Variants in NIBAN1 observed in about 807,000 individuals in gnomAD.
The protein encoded by NIBAN1 is protein Niban 1.
A neutral mutation model predicts 75.1 loss-of-function variants in NIBAN1; 81 were observed. The ratio of observed to expected loss-of-function variants is 1.08; its 90% confidence interval spans 0.90 to 1.30. NIBAN1 has a LOEUF of 1.30. NIBAN1 is among the 50% of genes most tolerant of loss of function. The probability of loss-of-function intolerance (pLI) is 0.00; values close to 1 mark genes in which losing one functional copy is unlikely to be tolerated. For missense variants in NIBAN1, 1,133 were observed against 1,128.1 expected, an observed-to-expected ratio of 1.00 and a Z score of -0.06; for synonymous variants, 436 against 424.8, an observed-to-expected ratio of 1.03 and a Z score of -0.32.
At chr1:184,851,941 A>G (rs960955414) in intron 5 of NIBAN1, among the ~76,000 whole-genome samples, 2 of 151,556 alleles carry the variant, frequency 1.3e-5, no homozygotes, top group Non-Finnish European at 2.9e-5. Flanking sequence ...AATCTCAGAG[A>G]GCTCCCGTGA....
chr1:184,896,702 C>T (rs1443717537), intron 2 of NIBAN1, among the ~76,000 whole-genome samples: 1 of 152,044 alleles, frequency 6.6e-6, no homozygotes, highest in Admixed American at 6.5e-5. Flanking sequence ...TTTAATCCAT[C>T]TGAAGTTAAT....
chr1:184,950,626 C>G (rs559190401), intron 1 of NIBAN1, among the ~76,000 whole-genome samples: 15 of 152,208 alleles, frequency 9.9e-5, no homozygotes, highest in Non-Finnish European at 1.5e-4. Flanking sequence ...TAAAGGCTAT[C>G]GTGAAATATA....
chr1:184,799,492 A>G (rs1653970653), intron 12 of NIBAN1, among the ~76,000 whole-genome samples: 1 of 149,704 alleles, frequency 6.7e-6, no homozygotes, highest in South Asian at 2.2e-4. Flanking sequence ...GAATAGTGCC[A>G]CAATAAACAT....
chr1:184,920,691 T>C (rs1488662380), intron 1 of NIBAN1, among the ~76,000 whole-genome samples: 4 of 152,210 alleles, frequency 2.6e-5, no homozygotes, highest in Non-Finnish European at 4.4e-5. Flanking sequence ...ATCAACTGCT[T>C]TAAAATTATA....
intron 4 of NIBAN1, among the ~76,000 whole-genome samples, chr1:184,887,196 G>C (rs545527544): frequency 6.6e-6 from 1 of 152,284 alleles, no homozygotes; most frequent in East Asian, 1.9e-4. Flanking sequence ...TGGGAGCCCT[G>C]TTCCAGTGTC....
chr1:184,929,395 T>C (rs557808994), intron 1 of NIBAN1, among the ~76,000 whole-genome samples: 1 of 152,298 alleles, frequency 6.6e-6, no homozygotes, highest in South Asian at 2.1e-4. Flanking sequence ...TCTAAAAAAA[T>C]TGCTTTTATT....
chr1:184,965,349 G>C (rs917499709), intron 1 of NIBAN1, among the ~76,000 whole-genome samples: 1 of 151,804 alleles, frequency 6.6e-6, no homozygotes, highest in Non-Finnish European at 1.5e-5. Flanking sequence ...CTTCACAAAA[G>C]GATTGATTCT....
chr1:184,939,750 G>A (rs1456066602), intron 1 of NIBAN1, among the ~76,000 whole-genome samples: 2 of 152,138 alleles, frequency 1.3e-5, no homozygotes, highest in Non-Finnish European at 2.9e-5. Context: ...ATTACAAGGA[G>A]TAAGTTATGT....
intron 1 of NIBAN1, among the ~76,000 whole-genome samples, chr1:184,963,076 A>G (rs906239632): frequency 6.6e-6 from 1 of 152,258 alleles, no homozygotes; most frequent in African/African-American, 2.4e-5. Flanking sequence ...AAAAAAATAC[A>G]TAAGCAAATC....
At chr1:184,945,998 TA>T (rs112599159) in intron 1 of NIBAN1, among the ~76,000 whole-genome samples, 3,384 of 145,428 alleles carry the variant, frequency 0.023, 101 homozygotes, top group African/African-American at 0.074. Flanking sequence ...GCGCTGGGAT[TA>T]AAAAAAAAAA....
intron 9 of NIBAN1, among the ~76,000 whole-genome samples, chr1:184,811,749 C>T (rs1261645594): frequency 6.6e-6 from 1 of 152,116 alleles, no homozygotes; most frequent in Admixed American, 6.5e-5. Context: ...GCCTCGGCCT[C>T]CCAAAGTGCC....
intron 5 of NIBAN1, among the ~76,000 whole-genome samples, chr1:184,882,766 C>T (rs914416972): frequency 2.6e-5 from 4 of 152,162 alleles, no homozygotes; most frequent in South Asian, 4.1e-4. Context: ...AGTGAAACTT[C>T]GCAGTTCCTG....
chr1:184,966,947 A>C (rs908962101), intron 1 of NIBAN1, among the ~76,000 whole-genome samples: 1 of 152,192 alleles, frequency 6.6e-6, no homozygotes, highest in African/African-American at 2.4e-5. Flanking sequence ...ATAGAAATAC[A>C]AACTTCCTTA....
chr1:184,857,568 A>G (rs936621768), intron 5 of NIBAN1, among the ~76,000 whole-genome samples: 1 of 152,240 alleles, frequency 6.6e-6, no homozygotes, highest in African/African-American at 2.4e-5. Context: ...TATGCCTAAA[A>G]TGATCAAGAA....
intron 1 of NIBAN1, among the ~76,000 whole-genome samples, chr1:184,922,998 C>CTCCCAT (rs1224881488): frequency 1.3e-5 from 2 of 151,990 alleles, no homozygotes; most frequent in East Asian, 3.9e-4. Context: ...CAAATATTTT[C>CTCCCAT]TCCCATTCTG....
intron 9 of NIBAN1, among the ~76,000 whole-genome samples, chr1:184,817,155 G>C (rs1256718392): frequency 6.6e-6 from 1 of 152,184 alleles, no homozygotes; most frequent in African/African-American, 2.4e-5. Context: ...ATAGTTGGCT[G>C]AAAATGATGG....
chr1:184,871,587 G>T (rs182629608), intron 5 of NIBAN1, among the ~76,000 whole-genome samples: 2 of 152,202 alleles, frequency 1.3e-5, no homozygotes, highest in Admixed American at 6.5e-5. Flanking sequence ...GAGGTGTTTT[G>T]TTACAACAGC....
At chr1:184,931,349 T>G (rs781764715) in intron 1 of NIBAN1, among the ~76,000 whole-genome samples, 13 of 152,218 alleles carry the variant, frequency 8.5e-5, no homozygotes, top group Non-Finnish European at 1.6e-4. Flanking sequence ...CAATGCAGTC[T>G]TATAACTGGC....
At chr1:184,943,167 G>A (rs1658138429) in intron 1 of NIBAN1, among the ~76,000 whole-genome samples, 2 of 152,110 alleles carry the variant, frequency 1.3e-5, no homozygotes, top group African/African-American at 4.8e-5. Context: ...AAGACACTTC[G>A]ATTTAGATGT....
Sources: gnomAD v4.1 joint callset for allele counts (sites outside exome capture counted in the v4.1 genomes callset) on GRCh38, gnomAD v4.1.1 for gene constraint, MANE v1.5 for transcripts, NCBI Gene and HGNC (gene_info 2026-07-23, HGNC 2026-07-21) for gene names.